The following AEN variants were observed in gnomAD, a reference collection of about 807,000 sequenced individuals.
The protein encoded by AEN is apoptosis-enhancing nuclease.
AEN carries 21 observed loss-of-function variants against 17.7 expected under a neutral mutation model. The ratio of observed to expected loss-of-function variants is 1.19; its 90% confidence interval spans 0.84 to 1.71. The LOEUF is 1.71. Ranked by LOEUF, AEN falls within the 40% of genes most tolerant of loss-of-function variation. AEN has a pLI of 0.00. For synonymous variants in AEN, 190 were observed against 173.0 expected (o/e 1.10, Z -0.77); for missense variants, 462 against 435.9 (o/e 1.06, Z -0.53).
At chr15:88,617,345 C>G (rs1177168809), upstream of AEN, among the ~76,000 whole-genome samples, 3 of 152,146 alleles carry the variant, frequency 2.0e-5, no homozygotes. Flanking sequence ...CCTCTATCTC[C>G]GGGGTGCAGG....
At position 88,626,350 on chromosome 15, in the gene AEN, G is replaced by C; in HGVS notation, c.141G>C (p.Leu47=). The C allele has an allele frequency of 6.2e-7, 1 of 1,613,296 alleles. No individual in the cohort carries two copies. Among genetic ancestry groups the C allele is most frequent in the Non-Finnish European group, 8.5e-7 (1 of 1,179,802 alleles). The part of the protein sequence containing the change: ...HQRFMARKAL[L]QEQGLLSMPP... ...GGTTCATGGCCCGGAAGGCCTTGCT[G>C]CAGGAGCAGGGGCTGCTGAGCATGC... The change falls in exon 2 of 4, where the codon CTG becomes CTC. Residue 47 remains leucine, a synonymous_variant. Transcript: ENST00000332810.
At chr15:88,607,884 A>G in the AEN span, among the ~76,000 whole-genome samples, 2 of 152,336 alleles carry the variant, frequency 1.3e-5, no homozygotes, top group Middle Eastern at 3.4e-3. Flanking sequence ...ATGTTACTAT[A>G]GAAACTTCCC....
the AEN span, among the ~76,000 whole-genome samples, chr15:88,615,114 T>C: frequency 2.0e-5 from 3 of 152,126 alleles, no homozygotes; most frequent in African/African-American, 7.2e-5. Flanking sequence ...TCCGCCCACC[T>C]CGGCCTCCCA....
At chr15:88,618,151 C>G (rs2057753974), upstream of AEN, among the ~76,000 whole-genome samples, 3 of 152,140 alleles carry the variant, frequency 2.0e-5, no homozygotes, top group South Asian at 6.2e-4. Flanking sequence ...CAGAGTCTTA[C>G]CACCCTCACC....
Position 88,630,344 on chromosome 15 carries a change from T to G in AEN, c.*50T>G. On this transcript the variant is annotated 3_prime_UTR_variant, in exon 4 of 4. Coordinates refer to ENST00000332810, the MANE Select transcript of AEN (RefSeq NM_022767.4). This position sits in a 1 kb window ranked among gnomAD's most constrained non-coding sequence, Gnocchi z 5.1. ...GGCTTCCGGTGTGGCCGGTAGGAAGTGGGGGCCAGGAGAGCAGCGGGCACT... is the reference window on the plus strand; with the variant it reads ...GGCTTCCGGTGTGGCCGGTAGGAAGGGGGGGCCAGGAGAGCAGCGGGCACT... The G allele has an allele frequency of 7.2e-6, 11 of 1,519,696 alleles. No individual in the cohort carries two copies. Among genetic ancestry groups the G allele is most frequent in the Non-Finnish European group, 9.8e-6 (11 of 1,120,714 alleles). 94.1% of individuals were successfully genotyped at this position (1,519,696 alleles called of 1,614,324 possible).
intron 2 of AEN, chr15:88,628,097 G>T (rs940468380): frequency 6.6e-6 from 1 of 152,286 alleles, no homozygotes. Context: ...GAACCCTCCA[G>T]CTCCTTGGTC....
chr15:88,611,295 T>A, the AEN span, among the ~76,000 whole-genome samples: 2 of 152,064 alleles, frequency 1.3e-5, no homozygotes, highest in African/African-American at 4.8e-5. Context: ...TTCCCCTGTT[T>A]GTAAAGGAAA....
intron 2 of AEN, 85 bp downstream of exon 2, chr15:88,626,834 T>C (rs1567104403): frequency 6.8e-7 from 1 of 1,461,006 alleles, no homozygotes; most frequent in East Asian, 2.5e-5. Flanking sequence ...TTTGCTTCAC[T>C]GGGGGCAAGA....
the AEN span, among the ~76,000 whole-genome samples, chr15:88,605,985 T>C: frequency 6.6e-6 from 1 of 152,224 alleles, no homozygotes; most frequent in South Asian, 2.1e-4. This position sits in a 1 kb window ranked among gnomAD's most constrained non-coding sequence, Gnocchi z 7.6. Context: ...TCTTCCTCAT[T>C]TCTCCAGGGA....
rs183264317 is a variant in AEN at position 88,631,291 on chromosome 15, A to G, written c.*997A>G. On this transcript the variant is annotated 3_prime_UTR_variant, in exon 4 of 4. Transcript: ENST00000332810. Reference sequence around the variant, plus strand: ...CATTGGCAGTTACGCAGTGGCCCTGAACCTGGTCTGGTGCCCCCGAACCTG... The same window carrying G: ...CATTGGCAGTTACGCAGTGGCCCTGGACCTGGTCTGGTGCCCCCGAACCTG... 106 of 389,820 alleles carry G rather than the reference A, an allele frequency of 2.7e-4. No homozygotes were observed. The highest frequency in any genetic ancestry group is 1.7e-3 in the African/African-American group (84 of 48,968). The allele number at this position is 389,820 out of a possible 1,614,324, so 24.1% of individuals were successfully genotyped here.
chr15:88,612,571 T>TTTCA, the AEN span, among the ~76,000 whole-genome samples: 2 of 140,454 alleles, frequency 1.4e-5, no homozygotes, highest in African/African-American at 5.3e-5. Flanking sequence ...TTTCCCAGCC[T>TTTCA]TTTATTTATT....
the AEN span, chr15:88,605,134 A>C: frequency 6.6e-6 from 1 of 152,562 alleles, no homozygotes; most frequent in Admixed American, 6.5e-5. The surrounding 1 kb of genome is among the most constrained non-coding windows in gnomAD (Gnocchi z 7.6). Flanking sequence ...AAGAGGAAGG[A>C]AGGCGACTCC....
chr15:88,613,986 C>A, the AEN span, among the ~76,000 whole-genome samples: 1 of 152,140 alleles, frequency 6.6e-6, no homozygotes, highest in African/African-American at 2.4e-5. Context: ...TTCTATTAGT[C>A]TCCCCTATCA....
the AEN span, among the ~76,000 whole-genome samples, chr15:88,613,825 G>A: frequency 6.6e-6 from 1 of 152,164 alleles, no homozygotes; most frequent in Non-Finnish European, 1.5e-5. Context: ...GTAGGCAAGT[G>A]AAGTGTCATA....
chr15:88,621,211 GC>G (rs2057781999), upstream of AEN: 1 of 152,236 alleles, frequency 6.6e-6, no homozygotes, highest in Non-Finnish European at 1.5e-5. Flanking sequence ...TTCTGCTCTC[GC>G]CCGCCTCCCC....
At chr15:88,623,944 G>A (rs1486890485) in intron 1 of AEN, among the ~76,000 whole-genome samples, 1 of 152,230 alleles carries the variant, frequency 6.6e-6, no homozygotes, top group Non-Finnish European at 1.5e-5. Context: ...TCCACCCTGG[G>A]TTAGTCCTTT....
upstream of AEN, among the ~76,000 whole-genome samples, chr15:88,621,005 A>C (rs987395167): frequency 6.6e-6 from 1 of 151,960 alleles, no homozygotes; most frequent in African/African-American, 2.4e-5. Flanking sequence ...TCAGTAAGTC[A>C]TTCGGCCTTT....
chr15:88,616,051 G>A, the AEN span, among the ~76,000 whole-genome samples: 3 of 152,188 alleles, frequency 2.0e-5, no homozygotes, highest in Middle Eastern at 3.4e-3. Context: ...GCCTAAACAA[G>A]CTCTGTTATA....
At chr15:88,611,795 G>A in the AEN span, 2 of 471,758 alleles carry the variant, frequency 4.2e-6, no homozygotes, top group South Asian at 1.6e-5. Context: ...AGGGGAGGGG[G>A]GTGGTCCTCG....
Sources: allele counts gnomAD v4.1 joint callset (sites outside exome capture counted in the v4.1 genomes callset), GRCh38; gene constraint gnomAD v4.1.1; non-coding constraint Gnocchi (gnomAD v3.1); transcripts MANE v1.5; gene names NCBI Gene and HGNC (gene_info 2026-07-23, HGNC 2026-07-21).